Variants in DENND5B observed in about 807,000 individuals in gnomAD.
The protein encoded by DENND5B is DENN domain containing 5B, also known as DENN domain-containing protein 5B.
A neutral mutation model predicts 140.6 loss-of-function variants in DENND5B; 34 were observed. That is an observed-to-expected ratio of 0.24 (90% CI 0.18 to 0.32). The LOEUF (loss-of-function observed/expected upper bound fraction) is 0.32. Ranked by LOEUF, DENND5B falls within the 10% of genes least tolerant of loss-of-function variation. DENND5B has a pLI of 1.00. For missense variants in DENND5B, 1,142 were observed against 1,560.2 expected, an observed-to-expected ratio of 0.73 and a Z score of 4.52; for synonymous variants, 551 against 562.1, an observed-to-expected ratio of 0.98 and a Z score of 0.28.
chr12:31,466,343 C>T (rs184369646), intron 3 of DENND5B, among the ~76,000 whole-genome samples: 3 of 150,580 alleles, frequency 2.0e-5, no homozygotes, highest in African/African-American at 7.3e-5. Context: ...CAGAGTGAGA[C>T]TCCATCTCCA....
At chr12:31,590,409 A>T in intron 1 of DENND5B, 1 of 204,772 alleles carries the variant, frequency 4.9e-6, no homozygotes, top group Non-Finnish European at 9.7e-6. Flanking sequence ...GTGCGGCTGC[A>T]AGCGAAGGGG....
chr12:31,507,594 T>C (rs1006359641), intron 1 of DENND5B, among the ~76,000 whole-genome samples: 11 of 152,356 alleles, frequency 7.2e-5, no homozygotes, highest in African/African-American at 1.2e-4. Flanking sequence ...TAGCCCATGT[T>C]TGTCATACTA....
Position 31,489,554 on chromosome 12 carries a change from C to T in DENND5B, c.237+6256G>A, listed in dbSNP as rs540716632. Among the ~76,000 whole-genome samples, 92 of 152,274 alleles carry T rather than the reference C, an allele frequency of 6.0e-4. No individual in the cohort carries two copies. The South Asian group carries it at 9.5e-3, about 16-fold the overall frequency. ...AGTGGAGGTCACACCTAGTCAAGGA[C>T]AGGGAAGAGAAGTATTGTAAGCAAG... On this transcript the variant is annotated intron_variant, in intron 2 of 20. Transcript: ENST00000389082.
chr12:31,575,108 A>G (rs1342534770), intron 1 of DENND5B, among the ~76,000 whole-genome samples: 5 of 152,232 alleles, frequency 3.3e-5, no homozygotes, highest in African/African-American at 1.2e-4. Flanking sequence ...GAAAATACAT[A>G]CACTTGAGAC....
chr12:31,433,261 A>G lies in DENND5B; in HGVS notation c.2013-13T>C, dbSNP rs1010177170. On this transcript the variant is annotated splice_polypyrimidine_tract_variant and intron_variant, in intron 7 of 20. Coordinates refer to ENST00000389082, the MANE Select transcript of DENND5B (RefSeq NM_144973.4). ...ACTTACCCAGCGACTGAAACAATCA[A>G]ATTATTTAAAAATGTGTTCCTTATC... 4 of 1,605,800 alleles carry G rather than the reference A, an allele frequency of 2.5e-6. No homozygotes were observed. Among genetic ancestry groups the G allele is most frequent in the Non-Finnish European group, 3.4e-6 (4 of 1,176,822 alleles).
intron 1 of DENND5B, among the ~76,000 whole-genome samples, chr12:31,540,223 CA>C (rs1325031061): frequency 1.3e-5 from 2 of 152,038 alleles, no homozygotes; most frequent in Non-Finnish European, 2.9e-5. Flanking sequence ...GAAAAGGACA[CA>C]AAAAACTGGA....
rs780469800 is a variant in DENND5B, at chr12:31,479,472, A to T, written c.904+117T>A. The T allele has an allele frequency of 2.9e-6, 3 of 1,049,186 alleles. No individual in the cohort carries two copies. The South Asian group carries it at 8.1e-5, about 28-fold the overall frequency. The allele number at this position is 1,049,186 out of a possible 1,614,324, so 65.0% of individuals were successfully genotyped here. ...GTCCCACCATACCTGCTCCCTTTACACAAAACAGAAAAGACTGTGATCATT... is the reference window on the plus strand; with the variant it reads ...GTCCCACCATACCTGCTCCCTTTACTCAAAACAGAAAAGACTGTGATCATT... On this transcript the variant is annotated intron_variant, in intron 3 of 20. Transcript: ENST00000389082.
At position 31,590,731 on chromosome 12, in the gene DENND5B, G is replaced by T; in HGVS notation, c.102C>A (p.Ser34Arg). The change falls in exon 1 of 21, where the codon AGC becomes AGA. Residue 34 changes from serine (S) to arginine (R), a missense_variant. Ser to Arg is a moderately radical substitution (Grantham distance 110). Coordinates refer to ENST00000389082, the MANE Select transcript of DENND5B (RefSeq NM_144973.4). ...YFVLCGIDAD[S>R]GLEPDELAGE... Reference sequence around the variant, plus strand: ...CCGCCAGCTCGTCAGGCTCCAGCCCGCTGTCCGCGTCGATCCCGCACAGCA... The same window carrying T: ...CCGCCAGCTCGTCAGGCTCCAGCCCTCTGTCCGCGTCGATCCCGCACAGCA... 6.8e-7 allele frequency: 1 copy of T among 1,475,626 alleles called. No homozygotes were observed. Among genetic ancestry groups the T allele is most frequent in the Non-Finnish European group, 8.9e-7 (1 of 1,119,296 alleles). The allele number at this position is 1,475,626 out of a possible 1,614,324, so 91.4% of individuals were successfully genotyped here.
At chr12:31,509,389 G>A (rs1169970052) in intron 1 of DENND5B, among the ~76,000 whole-genome samples, 2 of 152,170 alleles carry the variant, frequency 1.3e-5, no homozygotes, top group Admixed American at 1.3e-4. Flanking sequence ...GGGAGGCTGA[G>A]GCATTCTAAG....
intron 7 of DENND5B, among the ~76,000 whole-genome samples, chr12:31,441,388 T>C (rs888711292): frequency 2.6e-5 from 4 of 151,936 alleles, no homozygotes; most frequent in East Asian, 2.0e-4. Flanking sequence ...GGCCTTCCTA[T>C]GTTCCCCAGG....
At chr12:31,454,585 G>C (rs1944683230) in intron 4 of DENND5B, among the ~76,000 whole-genome samples, 1 of 151,588 alleles carries the variant, frequency 6.6e-6, no homozygotes, top group Non-Finnish European at 1.5e-5. Flanking sequence ...TGGGATTACA[G>C]GTGTCCACCA....
chr12:31,441,829 C>T (rs1258945491), intron 7 of DENND5B, among the ~76,000 whole-genome samples: 5 of 152,076 alleles, frequency 3.3e-5, no homozygotes, highest in Non-Finnish European at 5.9e-5. Context: ...TACAGGTGCA[C>T]ATCACCATGC....
chr12:31,535,364 C>T (rs904286059), intron 1 of DENND5B: 2 of 159,070 alleles, frequency 1.3e-5, no homozygotes, highest in African/African-American at 4.8e-5. Flanking sequence ...TCTGTCACCC[C>T]ACCCCACCTC....
At chr12:31,552,250 T>A (rs1949093446) in intron 1 of DENND5B, among the ~76,000 whole-genome samples, 2 of 152,218 alleles carry the variant, frequency 1.3e-5, no homozygotes, top group Admixed American at 6.5e-5. Context: ...CAACACCTAA[T>A]TTATAGAGAG....
At chr12:31,507,031 C>T (rs1223638039) in intron 1 of DENND5B, among the ~76,000 whole-genome samples, 1 of 152,230 alleles carries the variant, frequency 6.6e-6, no homozygotes, top group Admixed American at 6.5e-5. Context: ...GTCCCAACCA[C>T]ATAGTTGGTC....
chr12:31,484,138 G>A (rs935988534), intron 2 of DENND5B, among the ~76,000 whole-genome samples: 2 of 152,156 alleles, frequency 1.3e-5, no homozygotes, highest in East Asian at 1.9e-4. Context: ...ACAGGTGTAA[G>A]CTACCCGACC....
intron 1 of DENND5B, chr12:31,499,462 A>G (rs961585382): frequency 1.3e-5 from 7 of 526,364 alleles, no homozygotes; most frequent in Non-Finnish European, 1.8e-5. Flanking sequence ...GAAAATTAAG[A>G]TGCAGATGAG....
chr12:31,569,759 C>A (rs1949753309), intron 1 of DENND5B, among the ~76,000 whole-genome samples: 2 of 152,158 alleles, frequency 1.3e-5, no homozygotes, highest in South Asian at 4.1e-4. Flanking sequence ...TTGCAGTGAG[C>A]CATGATTGTG....
rs544109451 is a variant in DENND5B, at chr12:31,414,978, G to A, written c.2552+389C>T. ...AAAATCAAAAAAATTAGCTGGGTATGGTGGCAGGTGCCTGTAATTCTAGCG... is the reference window on the plus strand; with the variant it reads ...AAAATCAAAAAAATTAGCTGGGTATAGTGGCAGGTGCCTGTAATTCTAGCG... On this transcript the variant is annotated intron_variant, in intron 12 of 20. Coordinates refer to ENST00000389082, the MANE Select transcript of DENND5B (RefSeq NM_144973.4). Among the ~76,000 whole-genome samples the A allele has an allele frequency of 4.0e-5, 6 of 151,408 alleles. 1 individual carries two copies. The South Asian group carries it at 1.3e-3, about 32-fold the overall frequency.
Sources: gnomAD v4.1 joint callset for allele counts (sites outside exome capture counted in the v4.1 genomes callset) on GRCh38, gnomAD v4.1.1 for gene constraint, MANE v1.5 for transcripts, NCBI Gene and HGNC (gene_info 2026-07-23, HGNC 2026-07-21) for gene names.